Variants in CSMD1 observed in about 807,000 individuals in gnomAD.
CSMD1 encodes the protein CUB and Sushi multiple domains 1.
In CSMD1, 213 loss-of-function variants were observed where a neutral mutation model predicts 417.5. The observed-to-expected ratio is 0.51, with a 90% confidence interval of 0.46 to 0.57. The LOEUF (loss-of-function observed/expected upper bound fraction) is 0.57, where lower values mean the gene tolerates loss of function less well. CSMD1 is among the 20% of genes least tolerant of loss of function. The probability of loss-of-function intolerance (pLI) is 0.00; values close to 1 mark genes in which losing one functional copy is unlikely to be tolerated. For missense variants in CSMD1, 6,923 were observed against 4,529.7 expected (o/e 1.53, Z -15.17); for synonymous variants, 2,862 against 1,736.8 (o/e 1.65, Z -16.11).
chr8:4,111,304 T>C (rs552979948), intron 3 of CSMD1, among the ~76,000 whole-genome samples: 78 of 152,324 alleles, frequency 5.1e-4, no homozygotes, highest in African/African-American at 1.8e-3. Context: ...CAGAAGAATC[T>C]GATGGCTGAA....
chr8:4,726,629 C>G (rs928293771), intron 1 of CSMD1, among the ~76,000 whole-genome samples: 3 of 152,278 alleles, frequency 2.0e-5, no homozygotes, highest in Admixed American at 6.5e-5. Context: ...AACCCTGAAT[C>G]ATTATTTCAA....
chr8:2,946,604 G>C (rs1434904135), intron 68 of CSMD1, among the ~76,000 whole-genome samples: 2 of 152,122 alleles, frequency 1.3e-5, no homozygotes, highest in Non-Finnish European at 2.9e-5. Context: ...ATATTCCATT[G>C]TATGGCTATA....
rs201851579 is a variant in CSMD1, at chr8:3,067,625, TATA to T, written c.7475-14981_7475-14979del. ...ATATATAGTATATAATATATAAATA[TATA>T]ATAACATTGATCAACATTCTTCAAT... On this transcript the variant is annotated intron_variant, in intron 49 of 69. Coordinates refer to ENST00000635120, the MANE Select transcript of CSMD1 (RefSeq NM_033225.6). Among the ~76,000 whole-genome samples, 1,306 of 149,716 alleles carry T rather than the reference TATA, an allele frequency of 8.7e-3. 22 individuals are homozygous for T. Among genetic ancestry groups the T allele is most frequent in the African/African-American group, 0.029 (1,205 of 41,042 alleles).
At chr8:4,520,575 TG>T (rs778822509) in intron 2 of CSMD1, among the ~76,000 whole-genome samples, 24 of 151,958 alleles carry the variant, frequency 1.6e-4, no homozygotes, top group Non-Finnish European at 2.5e-4. Flanking sequence ...ATAATCAGAG[TG>T]GTTATGTCCT....
intron 4 of CSMD1, among the ~76,000 whole-genome samples, chr8:4,009,878 T>C (rs1816411420): frequency 6.6e-6 from 1 of 152,014 alleles, no homozygotes; most frequent in Non-Finnish European, 1.5e-5. Context: ...CTCTCGTACA[T>C]CCTTTGTCTT....
At chr8:3,480,694 T>C (rs1817691326) in intron 11 of CSMD1, among the ~76,000 whole-genome samples, 1 of 152,098 alleles carries the variant, frequency 6.6e-6, no homozygotes, top group Non-Finnish European at 1.5e-5. Flanking sequence ...AAACAAAATG[T>C]TACCTACAGG....
chr8:3,297,988 A>G (rs1276212333), intron 25 of CSMD1, among the ~76,000 whole-genome samples: 2 of 152,226 alleles, frequency 1.3e-5, no homozygotes, highest in African/African-American at 4.8e-5. Context: ...CAATAAACAT[A>G]TAAAAAAGTG....
intron 17 of CSMD1, among the ~76,000 whole-genome samples, chr8:3,394,993 G>C (rs1410569831): frequency 1.3e-5 from 2 of 152,046 alleles, no homozygotes; most frequent in Non-Finnish European, 2.9e-5. Context: ...ACTTATATGA[G>C]TATGTAAAAC....
chr8:4,894,704 G>GTGTC lies in CSMD1; in HGVS notation c.85+99627_85+99628insGACA, dbSNP rs1256865657. Among the ~76,000 whole-genome samples the GTGTC allele has an allele frequency of 2.0e-5, 3 of 151,404 alleles. No individual in the cohort carries two copies. In the East Asian group the frequency reaches 5.8e-4, roughly 29 times the overall value. On this transcript the variant is annotated intron_variant, in intron 1 of 69. Coordinates refer to ENST00000635120, the MANE Select transcript of CSMD1 (RefSeq NM_033225.6). ...AGTCAAGTTATCTGAAAGACTGTGT[G>GTGTC]TGTGTGTGTGTGTGTGTGTCTGAGG...
intron 1 of CSMD1, among the ~76,000 whole-genome samples, chr8:4,691,206 C>A (rs1269901937): frequency 6.6e-6 from 1 of 152,186 alleles, no homozygotes; most frequent in Non-Finnish European, 1.5e-5. Flanking sequence ...CAGCAGCAAA[C>A]TCCTAGGGAT....
intron 25 of CSMD1, among the ~76,000 whole-genome samples, chr8:3,294,822 C>G (rs1245999249): frequency 1.3e-5 from 2 of 152,074 alleles, no homozygotes; most frequent in African/African-American, 2.4e-5. Flanking sequence ...GTGGGCTGCA[C>G]CCATTGTCCT....
At chr8:3,726,294 A>G (rs1004539452) in intron 6 of CSMD1, among the ~76,000 whole-genome samples, 1 of 152,214 alleles carries the variant, frequency 6.6e-6, no homozygotes, top group African/African-American at 2.4e-5. Flanking sequence ...CTTAAAAAAT[A>G]CGTGAGCTCA....
At chr8:4,514,300 T>A (rs1802997091) in intron 2 of CSMD1, among the ~76,000 whole-genome samples, 1 of 152,128 alleles carries the variant, frequency 6.6e-6, no homozygotes, top group Non-Finnish European at 1.5e-5. Context: ...ATTATCTCAT[T>A]TAACCTTAAT....
intron 1 of CSMD1, among the ~76,000 whole-genome samples, chr8:4,931,451 C>G (rs1807240231): frequency 6.6e-6 from 1 of 152,106 alleles, no homozygotes; most frequent in Non-Finnish European, 1.5e-5. Context: ...TTTCAAACGC[C>G]CAGCCTGCCC....
intron 10 of CSMD1, among the ~76,000 whole-genome samples, chr8:3,561,718 C>G (rs1005522579): frequency 6.6e-6 from 1 of 152,038 alleles, no homozygotes; most frequent in African/African-American, 2.4e-5. Flanking sequence ...CCGACCCCAC[C>G]ACGATGTAGT....
At chr8:3,684,704 T>G (rs1799856872) in intron 7 of CSMD1, among the ~76,000 whole-genome samples, 1 of 151,510 alleles carries the variant, frequency 6.6e-6, no homozygotes, top group South Asian at 2.1e-4. Context: ...TTCACGCCAT[T>G]CTCCTGCCTC....
intron 38 of CSMD1, among the ~76,000 whole-genome samples, chr8:3,159,817 A>G (rs1298844893): frequency 1.3e-5 from 2 of 152,224 alleles, no homozygotes; most frequent in Non-Finnish European, 1.5e-5. Flanking sequence ...TCAATAATCC[A>G]TTATAAGAAA....
chr8:4,812,553 C>A (rs1180392349), intron 1 of CSMD1, among the ~76,000 whole-genome samples: 1 of 152,032 alleles, frequency 6.6e-6, no homozygotes, highest in African/African-American at 2.4e-5. Flanking sequence ...ATCACATATA[C>A]CACATGAATT....
At chr8:4,564,120 T>A in intron 2 of CSMD1, among the ~76,000 whole-genome samples, 1 of 152,340 alleles carries the variant, frequency 6.6e-6, no homozygotes, top group East Asian at 1.9e-4. Flanking sequence ...CTTCCAATAT[T>A]TATATTCTAT....
Sources: gnomAD v4.1 joint callset for allele counts (sites outside exome capture counted in the v4.1 genomes callset) on GRCh38, gnomAD v4.1.1 for gene constraint, MANE v1.5 for transcripts, NCBI Gene and HGNC (gene_info 2026-07-23, HGNC 2026-07-21) for gene names.